FSTL5: variants seen among roughly 807,000 people sequenced by gnomAD.
FSTL5 encodes the protein follistatin like 5.
FSTL5 carries 62 observed loss-of-function variants against 89.1 expected under a neutral mutation model. That is an observed-to-expected ratio of 0.70 (90% confidence interval 0.57 to 0.86). The LOEUF (loss-of-function observed/expected upper bound fraction) is 0.86. FSTL5 is among the 40% of genes least tolerant of loss of function. FSTL5 has a pLI of 0.00. For missense variants in FSTL5, 1,057 were observed against 1,001.6 expected (o/e 1.06, Z -0.75); for synonymous variants, 383 against 346.2 (o/e 1.11, Z -1.18).
intron 2 of FSTL5, among the ~76,000 whole-genome samples, chr4:162,093,003 T>TAGTATAGG (rs1020294565): frequency 2.0e-5 from 3 of 146,380 alleles, no homozygotes; most frequent in African/African-American, 7.6e-5. Flanking sequence ...CTTCCAGTAG[T>TAGTATAGG]AGTATAGGGG....
chr4:161,832,151 C>A (rs1438023189), intron 4 of FSTL5, among the ~76,000 whole-genome samples: 2 of 152,024 alleles, frequency 1.3e-5, no homozygotes, highest in Non-Finnish European at 2.9e-5. Context: ...ATTTATAAGA[C>A]TTAAGGACCC....
intron 6 of FSTL5, among the ~76,000 whole-genome samples, chr4:161,683,814 T>C (rs1045936860): frequency 6.6e-6 from 1 of 152,164 alleles, no homozygotes; most frequent in Non-Finnish European, 1.5e-5. Context: ...AGTTCTTTAG[T>C]GGTGATTTGT....
chr4:161,847,357 T>C (rs1731402451), intron 4 of FSTL5, among the ~76,000 whole-genome samples: 1 of 152,178 alleles, frequency 6.6e-6, no homozygotes, highest in Non-Finnish European at 1.5e-5. Context: ...TACAATGCAA[T>C]AATTTTATTA....
At chr4:161,615,909 T>A (rs1029887807) in intron 7 of FSTL5, among the ~76,000 whole-genome samples, 1 of 152,152 alleles carries the variant, frequency 6.6e-6, no homozygotes, top group African/African-American at 2.4e-5. Context: ...TTTTAAAATG[T>A]AACACAATTC....
At chr4:162,109,573 T>C (rs1731356662) in intron 2 of FSTL5, among the ~76,000 whole-genome samples, 1 of 152,110 alleles carries the variant, frequency 6.6e-6, no homozygotes, top group African/African-American at 2.4e-5. Flanking sequence ...TTTAACTCAG[T>C]GTGTTATTTC....
chr4:161,905,665 A>C (rs1412127609), intron 4 of FSTL5, among the ~76,000 whole-genome samples: 1 of 152,144 alleles, frequency 6.6e-6, no homozygotes, highest in Non-Finnish European at 1.5e-5. Flanking sequence ...GAAACTGCGA[A>C]TTAGACCAGT....
At chr4:162,081,408 A>C (rs1452671944) in intron 2 of FSTL5, among the ~76,000 whole-genome samples, 2 of 151,758 alleles carry the variant, frequency 1.3e-5, no homozygotes, top group South Asian at 2.1e-4. Flanking sequence ...CTGGCCTGGC[A>C]CTTCGTTACT....
chr4:161,810,399 G>A (rs551211871), intron 4 of FSTL5, among the ~76,000 whole-genome samples: 60 of 152,150 alleles, frequency 3.9e-4, no homozygotes, highest in Non-Finnish European at 7.1e-4. Context: ...AATGCAAGAG[G>A]GGAAAAATGA....
At chr4:161,692,560 T>C (rs936977103) in intron 6 of FSTL5, among the ~76,000 whole-genome samples, 3 of 152,054 alleles carry the variant, frequency 2.0e-5, no homozygotes, top group African/African-American at 7.2e-5. Flanking sequence ...TCTAATCTGA[T>C]TGGTGTACTT....
At chr4:161,870,331 T>A in intron 4 of FSTL5, among the ~76,000 whole-genome samples, 1 of 151,878 alleles carries the variant, frequency 6.6e-6, no homozygotes, top group Admixed American at 6.6e-5. Flanking sequence ...TTAAATATTA[T>A]TTGTTCAATC....
chr4:162,095,897 G>A (rs1948403), intron 2 of FSTL5, among the ~76,000 whole-genome samples: 115,661 of 151,830 alleles, frequency 0.76, 44,926 homozygotes, highest in Non-Finnish European at 0.84. Context: ...TTTTAAACAA[G>A]TACATTAGAA....
At chr4:161,744,783 A>G (rs1740139201) in intron 6 of FSTL5, among the ~76,000 whole-genome samples, 1 of 152,140 alleles carries the variant, frequency 6.6e-6, no homozygotes, top group South Asian at 2.1e-4. Context: ...GAATTATATT[A>G]TCATGCAAAT....
At chr4:162,160,913 A>C in intron 1 of FSTL5, among the ~76,000 whole-genome samples, 1 of 151,868 alleles carries the variant, frequency 6.6e-6, no homozygotes, top group Admixed American at 6.6e-5. Flanking sequence ...ATCTCACAAA[A>C]CATAAACAGG....
At chr4:161,761,333 G>T (rs1560925) in intron 5 of FSTL5, among the ~76,000 whole-genome samples, 30,536 of 152,104 alleles carry the variant, frequency 0.2, 3,106 homozygotes, top group Middle Eastern at 0.32. Context: ...CTATTGGTTA[G>T]ATCATAGAAA....
At chr4:161,756,394 A>G (rs1026158106) in intron 6 of FSTL5, among the ~76,000 whole-genome samples, 11 of 152,022 alleles carry the variant, frequency 7.2e-5, no homozygotes, top group Admixed American at 5.9e-4. Context: ...TATATTCACT[A>G]AATTCATTGT....
chr4:161,836,153 A>G (rs1223058954), intron 4 of FSTL5, among the ~76,000 whole-genome samples: 1 of 151,794 alleles, frequency 6.6e-6, no homozygotes, highest in Admixed American at 6.6e-5. Flanking sequence ...TGTCCTTTGT[A>G]GGGACATGGA....
chr4:161,647,519 T>TA (rs1243329593), intron 7 of FSTL5, among the ~76,000 whole-genome samples: 2,787 of 138,612 alleles, frequency 0.02, 92 homozygotes, highest in African/African-American at 0.071. Context: ...TTTATTTCGT[T>TA]TAAAAAAAAA....
chr4:161,541,491 T>C (rs1337694499), intron 9 of FSTL5, among the ~76,000 whole-genome samples: 2 of 152,092 alleles, frequency 1.3e-5, no homozygotes, highest in African/African-American at 2.4e-5. Context: ...AGGTAATCAC[T>C]AGATATGTGT....
chr4:161,776,149 T>C, intron 4 of FSTL5, 75 bp from the exon 5 acceptor site: 2 of 764,650 alleles, frequency 2.6e-6, no homozygotes, highest in Non-Finnish European at 3.9e-6. Context: ...GGTTTAGAAG[T>C]TATTTTATGA....
Sources: gnomAD v4.1 joint callset for allele counts (sites outside exome capture counted in the v4.1 genomes callset) on GRCh38, gnomAD v4.1.1 for gene constraint, MANE v1.5 for transcripts, NCBI Gene and HGNC (gene_info 2026-07-23, HGNC 2026-07-21) for gene names.